The following POP1 variants were observed in gnomAD, a reference collection of about 807,000 sequenced individuals.
POP1 encodes the protein ribonucleases P/MRP protein subunit POP1.
POP1 carries 75 observed loss-of-function variants against 102.2 expected under a neutral mutation model. That is an observed-to-expected ratio of 0.73 (90% CI 0.61 to 0.89). The LOEUF is 0.89. Among genes scored for constraint, POP1 ranks in the 40% least tolerant of loss-of-function variants. The pLI is 0.00. For synonymous variants in POP1, 436 were observed against 464.1 expected, an observed-to-expected ratio of 0.94 and a Z score of 0.78; for missense variants, 1,116 against 1,267.4, an observed-to-expected ratio of 0.88 and a Z score of 1.81.
chr8:98,154,258 C>T (rs1809591286), intron 14 of POP1, among the ~76,000 whole-genome samples: 1 of 152,168 alleles, frequency 6.6e-6, no homozygotes, highest in Admixed American at 6.5e-5. Context: ...CTCGGGCTGG[C>T]ATGGGGTCAT....
intron 15 of POP1, 142 bp from the exon 16 acceptor site, chr8:98,157,475 T>C (rs1016145451): frequency 4.7e-5 from 45 of 961,482 alleles, no homozygotes; most frequent in Middle Eastern, 6.5e-4. Flanking sequence ...CTACAGTGTA[T>C]TTCTAATTTT....
Position 98,127,605 on chromosome 8 carries a change from T to G in POP1, c.153T>G (p.Pro51=). The G allele has an allele frequency of 6.2e-7, 1 of 1,614,176 alleles. No homozygotes were observed. Among genetic ancestry groups the G allele is most frequent in the Non-Finnish European group, 8.5e-7 (1 of 1,180,020 alleles). ...PFQAQKQEPH[P]GTSRQRQTRV... ...TTGAAAATATACTAGAGCCTCATCCTGGAACTTCACGACAGCGGCAAACCA... is the reference window on the plus strand; with the variant it reads ...TTGAAAATATACTAGAGCCTCATCCGGGAACTTCACGACAGCGGCAAACCA... The change falls in exon 3 of 16, where the codon CCT becomes CCG. Residue 51 remains proline (P), a synonymous_variant. Transcript: ENST00000401707.
chr8:98,118,884 C>G (rs1296528700), intron 1 of POP1, among the ~76,000 whole-genome samples: 2 of 151,684 alleles, frequency 1.3e-5, no homozygotes, highest in Non-Finnish European at 2.9e-5. Flanking sequence ...TGGATAGAGT[C>G]AGACTGCCTG....
In POP1 at chr8:98,134,660, G is replaced by A; in HGVS notation, c.1011+1G>A. ...CTGGCTGCATCCAACCCTTAAACAG[G>A]TATAATCCTTCAGGTTATCTCCCGT... is the stretch of plus-strand genomic sequence containing the variant. On this transcript the variant is annotated splice_donor_variant, in intron 7 of 15. Transcript: ENST00000401707. LOFTEE classifies it high-confidence loss of function. The A allele has an allele frequency of 6.2e-7, 1 of 1,607,832 alleles. No homozygotes were observed. Among genetic ancestry groups the A allele is most frequent in the South Asian group, 1.1e-5 (1 of 90,948 alleles).
intron 15 of POP1, 29 bp downstream of exon 15, chr8:98,156,441 T>C (rs1009732211): frequency 6.8e-6 from 11 of 1,612,308 alleles, no homozygotes; most frequent in Admixed American, 1.7e-5. Context: ...TGGGTACATT[T>C]TGGATTATTT....
chr8:98,120,035 A>G (rs982749526), intron 1 of POP1, among the ~76,000 whole-genome samples: 4 of 152,204 alleles, frequency 2.6e-5, no homozygotes, highest in African/African-American at 9.7e-5. Context: ...TCCAGCACCA[A>G]CCTTTTCTTG....
intron 2 of POP1, among the ~76,000 whole-genome samples, chr8:98,126,776 T>C (rs1229399309): frequency 6.6e-6 from 1 of 152,184 alleles, no homozygotes. Flanking sequence ...TTGTATAAAA[T>C]TACCTTCAGG....
chr8:98,137,029 A>G (rs1816568170), intron 9 of POP1, 75 bp downstream of exon 9: 3 of 1,319,122 alleles, frequency 2.3e-6, no homozygotes, highest in Non-Finnish European at 3.3e-6. Flanking sequence ...CTAATATATA[A>G]TTTGGTAACA....
chr8:98,159,122 A>G lies in POP1; in HGVS notation c.*851A>G, dbSNP rs1261167782. 6.6e-6 allele frequency: 1 copy of G among 152,212 alleles called. No homozygotes were observed. Among genetic ancestry groups the G allele is most frequent in the African/African-American group, 2.4e-5 (1 of 41,450 alleles). The allele number at this position is 152,212 out of a possible 1,614,324, so 9.4% of individuals were successfully genotyped here. ...AAGTTAAGCATTTCTTTATGAAAGA[A>G]CTTCTGGAAACTTCCATGTGATAAT... is the stretch of plus-strand genomic sequence containing the variant. On this transcript the variant is annotated 3_prime_UTR_variant, in exon 16 of 16. Coordinates refer to ENST00000401707, the MANE Select transcript of POP1 (RefSeq NM_001145860.2).
chr8:98,156,538 G>A, intron 15 of POP1, 126 bp downstream of exon 15: 1 of 1,188,118 alleles, frequency 8.4e-7, no homozygotes, highest in Non-Finnish European at 1.2e-6. Context: ...CTTTCTGGAA[G>A]GGAAAGCCAG....
chr8:98,130,204 T>C lies in POP1; in HGVS notation c.713T>C (p.Met238Thr), dbSNP rs1215804306. 23 of 1,614,080 alleles carry C rather than the reference T, an allele frequency of 1.4e-5. No individual in the cohort carries two copies. The highest frequency in any genetic ancestry group is 1.9e-5 in the Non-Finnish European group (23 of 1,180,030). ...AGCCACAGAGCCTGCTATCGAGCCA[T>C]GACGAACCGGTGCCTCCTGCAGGTG... ...VKSHRACYRAMTNRCLLQDLS... is the reference protein window; with the variant it reads ...VKSHRACYRATTNRCLLQDLS... The change falls in exon 5 of 16, where the codon ATG becomes ACG. Residue 238 changes from methionine (M) to threonine (T), a missense_variant. By Grantham distance (81) the Met-to-Thr change is moderately conservative. Coordinates refer to ENST00000401707, the MANE Select transcript of POP1 (RefSeq NM_001145860.2).
At position 98,157,612 on chromosome 8, in the gene POP1, T is replaced by C. The variant is rs1318850534; in HGVS notation, c.2421-5T>C. On this transcript the variant is annotated splice_region_variant and splice_polypyrimidine_tract_variant and intron_variant, in intron 15 of 15. Transcript: ENST00000401707. ...CCTCAAACGTATGTCTCCAACTTCA[T>C]GTAGGAGTAGAAAATTACTGAAGCA... The C allele has an allele frequency of 6.2e-7, 1 of 1,613,870 alleles. No homozygotes were observed. Among genetic ancestry groups the C allele is most frequent in the Non-Finnish European group, 8.5e-7 (1 of 1,179,862 alleles).
intron 2 of POP1, among the ~76,000 whole-genome samples, chr8:98,123,747 A>G (rs1206904866): frequency 5.3e-5 from 8 of 151,294 alleles, no homozygotes; most frequent in Non-Finnish European, 2.9e-5. Context: ...ACTGCACTCC[A>G]GCCTGAAGAC....
At chr8:98,140,693 A>G (rs1816675408) in intron 10 of POP1, 76 bp from the exon 11 acceptor site, 7 of 1,493,642 alleles carry the variant, frequency 4.7e-6, no homozygotes, top group Non-Finnish European at 6.5e-6. Flanking sequence ...AGGAAATCTG[A>G]AAGATTTAAA....
At chr8:98,148,169 G>A (rs1439355616) in intron 12 of POP1, among the ~76,000 whole-genome samples, 1 of 152,208 alleles carries the variant, frequency 6.6e-6, no homozygotes, top group Non-Finnish European at 1.5e-5. Context: ...AACTCCGAAA[G>A]TGAAAAAGAA....
At chr8:98,117,524 C>T in intron 1 of POP1, 134 bp downstream of exon 1, 1 of 196,130 alleles carries the variant, frequency 5.1e-6, no homozygotes, top group Non-Finnish European at 1.1e-5. Flanking sequence ...TCCTTGCTGC[C>T]TGTGCCCGGG....
intron 5 of POP1, among the ~76,000 whole-genome samples, chr8:98,132,310 G>A (rs1200835153): frequency 6.6e-6 from 1 of 152,170 alleles, no homozygotes; most frequent in Non-Finnish European, 1.5e-5. Context: ...TGGCCAATGA[G>A]TGTTGAGGTT....
In POP1 at chr8:98,123,483, A is replaced by G. The variant is rs1232604200; in HGVS notation, c.142+4A>G. On this transcript the variant is annotated splice_donor_region_variant and intron_variant, in intron 2 of 15. Coordinates refer to ENST00000401707, the MANE Select transcript of POP1 (RefSeq NM_001145860.2). ...CCTTTCCAAGCTCAAAAACAAGGTA[A>G]AATACACATAAGAGACCAGGCATGG... 1 of 1,613,134 alleles carries G rather than the reference A, an allele frequency of 6.2e-7. No individual in the cohort carries two copies. The highest frequency in any genetic ancestry group is 8.5e-7 in the Non-Finnish European group (1 of 1,179,348).
chr8:98,153,606 C>CG (rs1809576417), intron 14 of POP1, among the ~76,000 whole-genome samples: 1 of 124,806 alleles, frequency 8.0e-6, no homozygotes, highest in Non-Finnish European at 1.5e-5. Flanking sequence ...GGCGTGATCT[C>CG]GGCTCATTGC....
Sources: gnomAD v4.1 joint callset for allele counts (sites outside exome capture counted in the v4.1 genomes callset) on GRCh38, gnomAD v4.1.1 for gene constraint, MANE v1.5 for transcripts, NCBI Gene and HGNC (gene_info 2026-07-23, HGNC 2026-07-21) for gene names.